The following INVS variants were observed in gnomAD, a reference collection of about 807,000 sequenced individuals.
INVS encodes the protein inversion of embryo turning homolog.
A neutral mutation model predicts 108.8 loss-of-function variants in INVS; 86 were observed. The observed-to-expected ratio is 0.79, with a 90% CI of 0.66 to 0.95. The LOEUF is 0.95. INVS is among the 40% of genes least tolerant of loss of function. INVS has a pLI of 0.00. For missense variants in INVS, 1,169 were observed against 1,297.4 expected (o/e 0.90, Z 1.52); for synonymous variants, 455 against 473.5 (o/e 0.96, Z 0.51).
chr9:100,106,134 A>C (rs1236428243), intron 2 of INVS, among the ~76,000 whole-genome samples: 3 of 152,132 alleles, frequency 2.0e-5, no homozygotes, highest in African/African-American at 7.2e-5. Flanking sequence ...TACTAGAGGA[A>C]ATGAAGACAT....
Position 100,154,647 on chromosome 9 carries a change from A to G in INVS, c.273+28098A>G, listed in dbSNP as rs138053589. Among the ~76,000 whole-genome samples, 666 of 152,194 alleles carry G rather than the reference A, an allele frequency of 4.4e-3. 4 individuals are homozygous for G. The highest frequency in any genetic ancestry group is 0.015 in the African/African-American group (639 of 41,522). Reference sequence around the variant, plus strand: ...GTATGATATTCTCTATTTTATATATAACTATGAAGTGACCTCCAGGTTTAT... The same window carrying G: ...GTATGATATTCTCTATTTTATATATGACTATGAAGTGACCTCCAGGTTTAT... On this transcript the variant is annotated intron_variant, in intron 3 of 16. Coordinates refer to ENST00000262457, the MANE Select transcript of INVS (RefSeq NM_014425.5).
At chr9:100,237,005 A>T (rs984649465) in intron 5 of INVS, among the ~76,000 whole-genome samples, 1 of 152,180 alleles carries the variant, frequency 6.6e-6, no homozygotes, top group African/African-American at 2.4e-5. Context: ...TGGGAGTTTT[A>T]TCTATAAGCC....
Position 100,292,503 on chromosome 9 carries a change from G to C in INVS, c.2246G>C (p.Arg749Thr). 6.2e-7 allele frequency: 1 copy of C among 1,614,178 alleles called. No individual in the cohort carries two copies. The highest frequency in any genetic ancestry group is 1.3e-5 in the African/African-American group (1 of 75,020). Reference protein sequence around the residue: ...KGFVKQPSCIRVAGPDEKGED... With the variant: ...KGFVKQPSCITVAGPDEKGED... ...TTCGTGAAGCAGCCCTCCTGTATCA[G>C]GGTGGCTGGGCCTGATGAGAAAGGA... The change falls in exon 14 of 17, where the codon AGG becomes ACG. Residue 749 changes from arginine to threonine, a missense_variant. Arg to Thr is a moderately conservative substitution (Grantham distance 71). This residue lies in a region of INVS where 533 missense variants were observed against 536.0 expected (regional missense o/e 0.99). Coordinates refer to ENST00000262457, the MANE Select transcript of INVS (RefSeq NM_014425.5).
intron 13 of INVS, among the ~76,000 whole-genome samples, chr9:100,289,128 T>C (rs1833536913): frequency 6.6e-6 from 1 of 152,232 alleles, no homozygotes; most frequent in Admixed American, 6.5e-5. Context: ...TAAAAAGCAG[T>C]TGACATTTTG....
intron 11 of INVS, among the ~76,000 whole-genome samples, chr9:100,265,595 C>T (rs1832765509): frequency 6.6e-6 from 1 of 152,088 alleles, no homozygotes; most frequent in Admixed American, 6.5e-5. Context: ...GTTATATATT[C>T]CAGAGATTTC....
chr9:100,297,289 G>C (rs1833818398), intron 15 of INVS, 143 bp downstream of exon 15: 4 of 745,922 alleles, frequency 5.4e-6, no homozygotes, highest in Non-Finnish European at 9.4e-6. Context: ...TATTAAAAAT[G>C]GTCAAAACTG....
At chr9:100,104,392 C>T in intron 1 of INVS, 106 bp from the exon 2 acceptor site, 4 of 711,472 alleles carry the variant, frequency 5.6e-6, no homozygotes, top group Non-Finnish European at 2.5e-6. Context: ...TAATCCTAGT[C>T]AAGTATTTCT....
At chr9:100,110,063 C>G (rs1414706411) in intron 2 of INVS, among the ~76,000 whole-genome samples, 3 of 152,316 alleles carry the variant, frequency 2.0e-5, no homozygotes, top group Non-Finnish European at 4.4e-5. Context: ...TACTTCTTCC[C>G]TTACCTCAAT....
chr9:100,122,873 T>C (rs982321985), intron 2 of INVS, among the ~76,000 whole-genome samples: 16 of 152,080 alleles, frequency 1.1e-4, no homozygotes, highest in African/African-American at 2.4e-4. Flanking sequence ...CGTGAGCCAC[T>C]GCGCCCAGCC....
At position 100,292,761 on chromosome 9, in the gene INVS, T is replaced by C. The variant is rs1454523438; in HGVS notation, c.2504T>C (p.Val835Ala). ...PPHHRTPRNK[V>A]TQAKLTGGLY... ...CACCATCGTACACCAAGAAACAAAG[T>C]GACACAAGCCAAGCTCACAGGAGGG... The change falls in exon 14 of 17, where the codon GTG becomes GCG. Residue 835 changes from valine to alanine, a missense_variant. By Grantham distance (64) the Val-to-Ala change is moderately conservative (BLOSUM62 0). This residue lies in a region of INVS where 533 missense variants were observed against 536.0 expected (regional missense o/e 0.99). Transcript: ENST00000262457. The C allele has an allele frequency of 6.2e-7, 1 of 1,613,508 alleles. No homozygotes were observed. The highest frequency in any genetic ancestry group is 1.1e-5 in the South Asian group (1 of 90,980).
intron 9 of INVS, 120 bp from the exon 10 acceptor site, chr9:100,252,787 T>C (rs1353685777): frequency 6.6e-6 from 5 of 761,866 alleles, no homozygotes; most frequent in Admixed American, 2.1e-5. Context: ...ACAATTGTTA[T>C]TGTTTTTCTT....
chr9:100,280,937 T>A (rs1052255883), intron 12 of INVS, among the ~76,000 whole-genome samples: 3 of 152,218 alleles, frequency 2.0e-5, no homozygotes, highest in South Asian at 2.1e-4. Flanking sequence ...AAATTTTTTT[T>A]AAAAATTAGC....
In INVS at chr9:100,126,659, A is replaced by T. The variant is rs140135805; in HGVS notation, c.273+110A>T. ...TAAAGAAGTCTCAAATGCATGACTCATAGGTTTTATATATTTTCTCTAAAA... is the reference window on the plus strand; with the variant it reads ...TAAAGAAGTCTCAAATGCATGACTCTTAGGTTTTATATATTTTCTCTAAAA... On this transcript the variant is annotated intron_variant, in intron 3 of 16. Coordinates refer to ENST00000262457, the MANE Select transcript of INVS (RefSeq NM_014425.5). 6.0e-3 allele frequency: 6,043 copies of T among 1,004,466 alleles called. 77 individuals are homozygous for T. The highest frequency in any genetic ancestry group is 0.032 in the South Asian group (2,374 of 74,920). 62.2% of individuals were successfully genotyped at this position (1,004,466 alleles called of 1,614,324 possible).
At position 100,226,204 on chromosome 9, in the gene INVS, C is replaced by T; in HGVS notation, c.416C>T (p.Pro139Leu). ...GCACTTCTGCTGAAGTTTATGGCAC[C>T]AGGAGAAGTGGATACACAGGATAAA... ...CLALLLKFMA[P>L]GEVDTQDKNK... Residue 139 changes from proline (P) to leucine (L), a missense_variant, in exon 4 of 17, where the codon CCA becomes CTA. Around this residue, in one of 3 missense-constraint regions of INVS, gnomAD observed 365 missense variants for 397.5 expected, o/e 0.92. Coordinates refer to ENST00000262457, the MANE Select transcript of INVS (RefSeq NM_014425.5). 1 of 1,614,010 alleles carries T rather than the reference C, an allele frequency of 6.2e-7. No homozygotes were observed. Among genetic ancestry groups the T allele is most frequent in the Non-Finnish European group, 8.5e-7 (1 of 1,179,990 alleles).
chr9:100,226,157 G>T lies in INVS; in HGVS notation c.369G>T (p.Arg123=). The T allele has an allele frequency of 6.2e-7, 1 of 1,613,976 alleles. No homozygotes were observed. Among genetic ancestry groups the T allele is most frequent in the African/African-American group, 1.3e-5 (1 of 75,012 alleles). ...TGACTCCTTTGCACTTGACCACCCGGCACAGGAGCCCTAAGTGTTTGGCAC... is the reference window on the plus strand; with the variant it reads ...TGACTCCTTTGCACTTGACCACCCGTCACAGGAGCCCTAAGTGTTTGGCAC... The part of the protein sequence containing the change: ...EEMTPLHLTT[R]HRSPKCLALL... Residue 123 remains arginine, a synonymous_variant, in exon 4 of 17, where the codon CGG becomes CGT. Coordinates refer to ENST00000262457, the MANE Select transcript of INVS (RefSeq NM_014425.5).
At chr9:100,146,358 GA>G in intron 3 of INVS, among the ~76,000 whole-genome samples, 1 of 152,144 alleles carries the variant, frequency 6.6e-6, no homozygotes, top group Admixed American at 6.5e-5. Flanking sequence ...GATGAGCCAG[GA>G]GAAGGAATTT....
At chr9:100,166,873 G>A (rs1186472088) in intron 3 of INVS, among the ~76,000 whole-genome samples, 1 of 152,156 alleles carries the variant, frequency 6.6e-6, no homozygotes, top group Non-Finnish European at 1.5e-5. Context: ...TGCAGTCTAT[G>A]CCCAACATAT....
At position 100,246,681 on chromosome 9, in the gene INVS, A is replaced by G. The variant is rs779527994; in HGVS notation, c.972A>G (p.Thr324=). 1.7e-5 allele frequency: 27 copies of G among 1,613,654 alleles called. No homozygotes were observed. The Admixed American group carries it at 2.5e-4, about 15-fold the overall frequency. The change falls in exon 8 of 17, where the codon ACA becomes ACG. Residue 324 remains threonine, a synonymous_variant. Transcript: ENST00000262457. ...ATGATTCAGACCTGGAAGGAAGAAC[A>G]TCCTTTATGTGGGCAGCTGGCAAAG... is the stretch of plus-strand genomic sequence containing the variant. ...VKDDSDLEGR[T]SFMWAAGKGS... is the part of the protein sequence containing the mutation.
chr9:100,205,054 G>T (rs982397054), intron 3 of INVS, among the ~76,000 whole-genome samples: 3 of 151,692 alleles, frequency 2.0e-5, no homozygotes, highest in Non-Finnish European at 4.4e-5. Context: ...GATGTGGGGT[G>T]AAAAAAAAGT....
Sources: gnomAD v4.1 joint callset for allele counts (sites outside exome capture counted in the v4.1 genomes callset) on GRCh38, gnomAD v4.1.1 for gene constraint, gnomAD v4.1.1 regional missense constraint, MANE v1.5 for transcripts, NCBI Gene and HGNC (gene_info 2026-07-23, HGNC 2026-07-21) for gene names.